The following TRPM7 variants were observed in gnomAD, a reference collection of about 807,000 sequenced individuals.
TRPM7 encodes the protein transient receptor potential cation channel subfamily M member 7, also known as LTRPC ion channel family member 7.
Under a neutral mutation model 229.7 loss-of-function variants are expected in TRPM7, and 134 were observed. The observed-to-expected ratio is 0.58, with a 90% confidence interval of 0.51 to 0.67. The LOEUF is 0.67. Among genes scored for constraint, TRPM7 ranks in the 30% least tolerant of loss-of-function variants. The probability of loss-of-function intolerance (pLI) is 0.00; values close to 1 mark genes in which losing one functional copy is unlikely to be tolerated. For missense variants in TRPM7, 1,901 were observed against 2,210.0 expected, an observed-to-expected ratio of 0.86 and a Z score of 2.80; for synonymous variants, 699 against 715.2, an observed-to-expected ratio of 0.98 and a Z score of 0.36.
intron 7 of TRPM7, among the ~76,000 whole-genome samples, chr15:50,636,817 T>C (rs539391129): frequency 3.5e-4 from 53 of 152,300 alleles, no homozygotes; most frequent in African/African-American, 1.3e-3. Context: ...AGCCATGTAT[T>C]AGAATAAATC....
chr15:50,614,661 T>C (rs1362977150), intron 13 of TRPM7, among the ~76,000 whole-genome samples: 2 of 91,892 alleles, frequency 2.2e-5, no homozygotes, highest in African/African-American at 4.9e-5. Context: ...CAAGACTTGG[T>C]CTCAAAAAAA....
intron 1 of TRPM7, among the ~76,000 whole-genome samples, chr15:50,683,103 G>T (rs1486376025): frequency 6.6e-6 from 1 of 151,546 alleles, no homozygotes; most frequent in Non-Finnish European, 1.5e-5. Context: ...TCCCAGGCTA[G>T]TCTTGTACTC....
chr15:50,666,621 T>C (rs1161630642), intron 1 of TRPM7, among the ~76,000 whole-genome samples: 2 of 152,080 alleles, frequency 1.3e-5, no homozygotes, highest in Non-Finnish European at 2.9e-5. Context: ...CTGACCAACA[T>C]GGAGAAACCT....
intron 10 of TRPM7, 71 bp downstream of exon 10, chr15:50,631,346 A>G (rs2060724289): frequency 2.5e-6 from 2 of 806,090 alleles, no homozygotes; most frequent in Middle Eastern, 2.7e-4. Flanking sequence ...ATACACATAT[A>G]CACACATACA....
intron 11 of TRPM7, 77 bp from the exon 12 acceptor site, chr15:50,624,377 G>A: frequency 8.1e-7 from 1 of 1,231,020 alleles, no homozygotes; most frequent in East Asian, 2.7e-5. Flanking sequence ...TAAGTCCTTA[G>A]GATTTACATT....
chr15:50,663,390 T>C (rs561909323), intron 1 of TRPM7, among the ~76,000 whole-genome samples: 6 of 152,292 alleles, frequency 3.9e-5, no homozygotes, highest in Admixed American at 6.5e-5. Flanking sequence ...CCTCCCAAAG[T>C]GGTGGGATTA....
chr15:50,578,188 C>G (rs1359294816), intron 31 of TRPM7, among the ~76,000 whole-genome samples: 1 of 152,124 alleles, frequency 6.6e-6, no homozygotes, highest in Admixed American at 6.5e-5. Context: ...TCTGTATGCA[C>G]TATACACTTC....
Position 50,631,487 on chromosome 15 carries a change from G to T in TRPM7, c.1134C>A (p.Ile378=), listed in dbSNP as rs201471296. The T allele has an allele frequency of 1.7e-4, 278 of 1,589,490 alleles. 1 individual carries two copies. The highest frequency in any genetic ancestry group is 2.3e-4 in the Non-Finnish European group (265 of 1,158,988). The change falls in exon 10 of 39, where the codon ATC becomes ATA. Residue 378 remains isoleucine, a splice_region_variant and synonymous_variant. Coordinates refer to ENST00000646667, the MANE Select transcript of TRPM7 (RefSeq NM_017672.6). ...LMECMKRKEL[I]TVFHIGSDEH... is the part of the protein sequence containing the mutation. ...CATCTGACCCAATATGGAAAACAGT[G>T]ATCTATTTAAAGATAAATTTATAAC...
chr15:50,648,913 C>A (rs2061341972), intron 3 of TRPM7, 28 bp from the exon 4 acceptor site: 8 of 1,524,406 alleles, frequency 5.2e-6, no homozygotes, highest in Non-Finnish European at 7.1e-6. Context: ...GATTAAAACA[C>A]CCTTCAAAAA....
At chr15:50,653,042 T>C (rs1442802000) in intron 3 of TRPM7, among the ~76,000 whole-genome samples, 1 of 152,146 alleles carries the variant, frequency 6.6e-6, no homozygotes, top group Non-Finnish European at 1.5e-5. Flanking sequence ...TCACAGTTAC[T>C]TGGGAAGCTA....
chr15:50,619,041 G>C (rs922868644), intron 13 of TRPM7, among the ~76,000 whole-genome samples: 2 of 152,058 alleles, frequency 1.3e-5, no homozygotes, highest in Admixed American at 6.6e-5. Flanking sequence ...TTAAGATCAT[G>C]ACCCAGTCCT....
chr15:50,673,040 TAAA>T (rs925470149), intron 1 of TRPM7, among the ~76,000 whole-genome samples: 1 of 148,740 alleles, frequency 6.7e-6, no homozygotes, highest in South Asian at 2.1e-4. Flanking sequence ...TCTGTTAAAT[TAAA>T]AAGTTACAGT....
intron 12 of TRPM7, among the ~76,000 whole-genome samples, chr15:50,621,157 CAAAAAA>C (rs35848629): frequency 5.8e-5 from 3 of 51,828 alleles, no homozygotes; most frequent in Non-Finnish European, 1.2e-4. Context: ...GACTCCGTCT[CAAAAAA>C]AAAAAAAAAA....
intron 38 of TRPM7, among the ~76,000 whole-genome samples, chr15:50,564,296 AAT>A (rs1159101150): frequency 7.7e-5 from 9 of 117,440 alleles, no homozygotes; most frequent in African/African-American, 2.6e-4. Flanking sequence ...AATAAAATAA[AAT>A]AAAATAAAAT....
rs1226181269 is a variant in TRPM7, at chr15:50,607,180, G to GA, written c.2709+19dup. On this transcript the variant is annotated intron_variant, in intron 20 of 38. Coordinates refer to ENST00000646667, the MANE Select transcript of TRPM7 (RefSeq NM_017672.6). ...CCATGTATACAGTAAATTATTGGTA[G>GA]AAAAAAACTAAAGACATACCTCACG... is the stretch of plus-strand genomic sequence containing the variant. 7 of 1,591,382 alleles carry GA rather than the reference G, an allele frequency of 4.4e-6. No individual in the cohort carries two copies. In the Admixed American group the frequency reaches 5.5e-5, roughly 13 times the overall value.
rs754652472 is a variant in TRPM7, at chr15:50,592,594, A to G, written c.3641T>C (p.Val1214Ala). 6.2e-7 allele frequency: 1 copy of G among 1,602,978 alleles called. No individual in the cohort carries two copies. Among genetic ancestry groups the G allele is most frequent in the South Asian group, 1.1e-5 (1 of 90,998 alleles). The change falls in exon 26 of 39, where the codon GTT becomes GCT. Residue 1214 changes from valine (V) to alanine (A), a missense_variant. Physicochemically the swap from Val to Ala is moderately conservative, Grantham distance 64. Transcript: ENST00000646667. ...TTTTATGTAGTTGACACGATCTCCA[A>G]CTTCTTTAATCTGAATGCACATCTG... is the stretch of plus-strand genomic sequence containing the variant. ...VEQMCIQIKE[V>A]GDRVNYIKRS...
chr15:50,680,793 T>C (rs2140984760), intron 1 of TRPM7, among the ~76,000 whole-genome samples: 1 of 152,320 alleles, frequency 6.6e-6, no homozygotes, highest in East Asian at 1.9e-4. Context: ...TACATGTCCC[T>C]GAATATCAAA....
intron 1 of TRPM7, among the ~76,000 whole-genome samples, chr15:50,666,595 G>T (rs1434202676): frequency 6.6e-6 from 1 of 152,130 alleles, no homozygotes; most frequent in Non-Finnish European, 1.5e-5. Context: ...CCTGACGTTG[G>T]GAGTTCGAGA....
At chr15:50,619,965 AAAAC>A (rs1367907500) in intron 12 of TRPM7, among the ~76,000 whole-genome samples, 167 bp from the exon 13 acceptor site, 1 of 152,228 alleles carries the variant, frequency 6.6e-6, no homozygotes, top group Non-Finnish European at 1.5e-5. Flanking sequence ...TTACTGCCAA[AAAAC>A]AAATAATCTT....
Sources: allele counts gnomAD v4.1 joint callset (sites outside exome capture counted in the v4.1 genomes callset), GRCh38; gene constraint gnomAD v4.1.1; transcripts MANE v1.5; gene names NCBI Gene and HGNC (gene_info 2026-07-23, HGNC 2026-07-21).